Variants in OPCML observed in about 807,000 individuals in gnomAD.
OPCML encodes the protein opioid binding protein/cell adhesion molecule like, also known as opioid-binding protein/cell adhesion molecule.
Under a neutral mutation model 37.8 loss-of-function variants are expected in OPCML, and 13 were observed. The ratio of observed to expected loss-of-function variants is 0.34; its 90% confidence interval spans 0.22 to 0.55. The LOEUF is 0.55. OPCML is among the 20% of genes least tolerant of loss of function. The pLI, the probability that OPCML is intolerant of heterozygous loss-of-function variation, is 0.91. For missense variants in OPCML, 341 were observed against 435.6 expected (o/e 0.78, Z 1.93); for synonymous variants, 176 against 168.8 (o/e 1.04, Z -0.33).
intron 1 of OPCML, among the ~76,000 whole-genome samples, chr11:133,094,246 A>G (rs1396570006): frequency 6.6e-6 from 1 of 152,232 alleles, no homozygotes; most frequent in Non-Finnish European, 1.5e-5. Flanking sequence ...TGAGCCAAGA[A>G]GGTGAATCAC....
At chr11:133,140,380 C>T (rs1422907396) in intron 1 of OPCML, among the ~76,000 whole-genome samples, 4 of 143,100 alleles carry the variant, frequency 2.8e-5, no homozygotes, top group South Asian at 2.3e-4. Context: ...CAGGGTGTGG[C>T]AGCGGGCACC....
At chr11:133,168,142 T>C (rs982056561) in intron 1 of OPCML, among the ~76,000 whole-genome samples, 1 of 152,192 alleles carries the variant, frequency 6.6e-6, no homozygotes, top group Non-Finnish European at 1.5e-5. Flanking sequence ...TGACTGTAGG[T>C]GACCATTAAG....
intron 1 of OPCML, among the ~76,000 whole-genome samples, chr11:133,397,081 T>C (rs73604519): frequency 0.018 from 2,735 of 152,290 alleles, 87 homozygotes; most frequent in African/African-American, 0.062. Flanking sequence ...TGGATGATTT[T>C]CCTGGCAACT....
chr11:133,248,926 T>G (rs1021638036), intron 1 of OPCML, among the ~76,000 whole-genome samples: 1 of 152,172 alleles, frequency 6.6e-6, no homozygotes, highest in African/African-American at 2.4e-5. Flanking sequence ...AATCGTGAGA[T>G]TAAAGTGATC....
chr11:132,694,396 A>C (rs1943527551), intron 2 of OPCML, among the ~76,000 whole-genome samples: 2 of 151,598 alleles, frequency 1.3e-5, no homozygotes, highest in South Asian at 4.2e-4. Context: ...GTGAGGTTTC[A>C]CCATGTTGGC....
chr11:133,499,806 G>A lies in OPCML; in HGVS notation c.61+32458C>T, dbSNP rs191212025. 3.4e-3 allele frequency among the ~76,000 whole-genome samples: 467 copies of A among 137,702 alleles called. 4 individuals are homozygous for A. The highest frequency in any genetic ancestry group is 9.3e-3 in the African/African-American group (327 of 35,326). 90.3% of individuals were successfully genotyped at this position (137,702 alleles called of 152,430 possible). On this transcript the variant is annotated intron_variant, in intron 1 of 7. Transcript: ENST00000524381. ...TATATATACACATATATATATGTGT[G>A]TGTATATATATATACACACATATAT... is the stretch of plus-strand genomic sequence containing the variant.
intron 2 of OPCML, among the ~76,000 whole-genome samples, chr11:132,921,361 C>T (rs1471634401): frequency 7.5e-6 from 1 of 133,224 alleles, no homozygotes; most frequent in Non-Finnish European, 1.5e-5. Context: ...AGTAGAAACA[C>T]CCACAGTGGG....
chr11:133,186,705 G>A (rs900614549), intron 1 of OPCML, among the ~76,000 whole-genome samples: 4 of 152,180 alleles, frequency 2.6e-5, no homozygotes, highest in South Asian at 2.1e-4. Flanking sequence ...TTACATCCAC[G>A]AATGGAACAT....
chr11:133,181,484 G>A (rs542836493), intron 1 of OPCML, among the ~76,000 whole-genome samples: 7 of 152,016 alleles, frequency 4.6e-5, no homozygotes, highest in Non-Finnish European at 1.0e-4. Context: ...TTTACAAAGT[G>A]GGGGGAATAT....
At chr11:132,793,941 C>A (rs143776504) in intron 2 of OPCML, among the ~76,000 whole-genome samples, 1 of 152,212 alleles carries the variant, frequency 6.6e-6, no homozygotes, top group African/African-American at 2.4e-5. Context: ...CATTCCCTGC[C>A]GTGACCCCCA....
intron 1 of OPCML, among the ~76,000 whole-genome samples, chr11:133,530,493 C>T (rs1270258846): frequency 2.6e-5 from 4 of 152,230 alleles, no homozygotes. Context: ...TGCCATCCAG[C>T]TGGGGACTTG....
chr11:132,440,334 G>GTTT (rs531730416), intron 4 of OPCML, among the ~76,000 whole-genome samples: 225 of 146,338 alleles, frequency 1.5e-3, no homozygotes, highest in African/African-American at 5.0e-3. Flanking sequence ...ATTCTTTAGA[G>GTTT]TTTTTTTTTT....
intron 1 of OPCML, among the ~76,000 whole-genome samples, chr11:133,386,969 T>C (rs190164848): frequency 6.6e-6 from 1 of 152,122 alleles, no homozygotes; most frequent in Non-Finnish European, 1.5e-5. Context: ...CCATCTCAAA[T>C]GAGAAAACAG....
At chr11:132,624,139 G>T (rs1343376906) in intron 3 of OPCML, among the ~76,000 whole-genome samples, 2 of 152,072 alleles carry the variant, frequency 1.3e-5, no homozygotes, top group Non-Finnish European at 2.9e-5. Context: ...TTATTTGTAG[G>T]GATTCATATA....
chr11:133,309,364 A>T (rs1467789375), intron 1 of OPCML, among the ~76,000 whole-genome samples: 1 of 152,182 alleles, frequency 6.6e-6, no homozygotes, highest in Non-Finnish European at 1.5e-5. Flanking sequence ...ACTAATCATC[A>T]TGAGAAAACA....
intron 2 of OPCML, among the ~76,000 whole-genome samples, chr11:132,916,615 C>T (rs920009157): frequency 3.9e-5 from 6 of 152,086 alleles, no homozygotes; most frequent in South Asian, 4.2e-4. Flanking sequence ...TAGTAGTACA[C>T]GTAGAGCTTT....
intron 1 of OPCML, among the ~76,000 whole-genome samples, chr11:133,340,563 G>C (rs892301839): frequency 6.6e-6 from 1 of 150,890 alleles, no homozygotes; most frequent in African/African-American, 2.4e-5. Context: ...TATATTAATA[G>C]CTGATCTCTA....
At chr11:133,467,034 T>G (rs1217009660) in intron 1 of OPCML, among the ~76,000 whole-genome samples, 1 of 152,238 alleles carries the variant, frequency 6.6e-6, no homozygotes, top group Admixed American at 6.5e-5. Flanking sequence ...TTAAGAAAGC[T>G]GTTGCTTTTT....
intron 1 of OPCML, among the ~76,000 whole-genome samples, chr11:133,200,113 G>C (rs1048441261): frequency 2.6e-5 from 4 of 152,110 alleles, no homozygotes; most frequent in African/African-American, 9.7e-5. Flanking sequence ...TATCTCCATG[G>C]AAAGCCTGAT....
Sources: gnomAD v4.1 joint callset for allele counts (sites outside exome capture counted in the v4.1 genomes callset) on GRCh38, gnomAD v4.1.1 for gene constraint, MANE v1.5 for transcripts, NCBI Gene and HGNC (gene_info 2026-07-23, HGNC 2026-07-21) for gene names.